The following DCDC2 variants were observed in gnomAD, a reference collection of about 807,000 sequenced individuals.
DCDC2 encodes doublecortin domain-containing protein 2.
DCDC2 carries 40 observed loss-of-function variants against 50.2 expected under a neutral mutation model. That is an observed-to-expected ratio of 0.80 (90% CI 0.62 to 1.04). The LOEUF (loss-of-function observed/expected upper bound fraction) is 1.04. Ranked by LOEUF, DCDC2 falls within the 50% of genes least tolerant of loss-of-function variation. DCDC2 has a pLI of 0.00. For missense variants in DCDC2, 570 were observed against 581.9 expected, an observed-to-expected ratio of 0.98 and a Z score of 0.21; for synonymous variants, 234 against 210.6, an observed-to-expected ratio of 1.11 and a Z score of -0.96.
At chr6:24,212,643 G>A (rs1348301500) in intron 7 of DCDC2, among the ~76,000 whole-genome samples, 1 of 152,122 alleles carries the variant, frequency 6.6e-6, no homozygotes, top group Non-Finnish European at 1.5e-5. Context: ...CAATTACTAC[G>A]TGAAGGATCA....
intron 2 of DCDC2, among the ~76,000 whole-genome samples, chr6:24,342,216 T>C (rs1443837441): frequency 2.0e-5 from 3 of 152,248 alleles, no homozygotes; most frequent in Non-Finnish European, 4.4e-5. Context: ...GGTGCTATGC[T>C]ACCTTCAGTT....
chr6:24,306,168 G>A (rs1759469100), intron 2 of DCDC2, among the ~76,000 whole-genome samples: 1 of 152,100 alleles, frequency 6.6e-6, no homozygotes, highest in Non-Finnish European at 1.5e-5. Context: ...GTGTAGCCAG[G>A]GATGGAGTTC....
intron 7 of DCDC2, among the ~76,000 whole-genome samples, chr6:24,256,892 T>A (rs1468021722): frequency 6.6e-6 from 1 of 152,206 alleles, no homozygotes; most frequent in Non-Finnish European, 1.5e-5. Flanking sequence ...CCTAAGGCTG[T>A]TATCTTGGCA....
chr6:24,306,535 TAGATAGATAGACAGACAGACAGAC>T (rs1198706305), intron 2 of DCDC2, among the ~76,000 whole-genome samples: 2 of 119,146 alleles, frequency 1.7e-5, no homozygotes, highest in African/African-American at 6.0e-5. Flanking sequence ...GATAGATAGA[TAGATAGATAGACAGACAGACAGAC>T]AGACAGACAG....
chr6:24,197,351 G>C (rs760602817), intron 8 of DCDC2, among the ~76,000 whole-genome samples: 6 of 152,212 alleles, frequency 3.9e-5, no homozygotes, highest in Admixed American at 1.3e-4. Flanking sequence ...GTGATTAACA[G>C]AGAGATTTCT....
At chr6:24,267,626 G>A (rs905728708) in intron 7 of DCDC2, among the ~76,000 whole-genome samples, 2 of 152,136 alleles carry the variant, frequency 1.3e-5, no homozygotes, top group African/African-American at 4.8e-5. Context: ...CAAGAAATAA[G>A]TATACAAAAG....
intron 7 of DCDC2, among the ~76,000 whole-genome samples, chr6:24,224,269 A>G (rs927036190): frequency 6.6e-6 from 1 of 152,110 alleles, no homozygotes; most frequent in Non-Finnish European, 1.5e-5. Context: ...CTGAGCACCA[A>G]CTCTGTACCA....
At chr6:24,200,923 T>C (rs1761572863) in intron 8 of DCDC2, among the ~76,000 whole-genome samples, 1 of 151,870 alleles carries the variant, frequency 6.6e-6, no homozygotes, top group African/African-American at 2.4e-5. Context: ...GGCCATTACA[T>C]AATTGTAAAG....
intron 6 of DCDC2, among the ~76,000 whole-genome samples, chr6:24,281,911 A>C (rs1763481841): frequency 6.6e-6 from 1 of 152,212 alleles, no homozygotes; most frequent in South Asian, 2.1e-4. Flanking sequence ...TAAATAAATT[A>C]ACTTTCTAAG....
chr6:24,375,801 A>G, the DCDC2 span, among the ~76,000 whole-genome samples: 81 of 152,252 alleles, frequency 5.3e-4, 1 homozygote, highest in African/African-American at 1.9e-3. Context: ...TGATGAATAC[A>G]TTAATAATGT....
At chr6:24,284,483 G>A (rs1209093870) in intron 6 of DCDC2, among the ~76,000 whole-genome samples, 5 of 151,746 alleles carry the variant, frequency 3.3e-5, no homozygotes, top group African/African-American at 1.2e-4. Context: ...ATGGTGGCGG[G>A]CGCCTGTAAT....
chr6:24,359,940 G>A (rs922175195), upstream of DCDC2, among the ~76,000 whole-genome samples: 4 of 152,174 alleles, frequency 2.6e-5, no homozygotes, highest in Non-Finnish European at 4.4e-5. Flanking sequence ...GGCCCAGGAG[G>A]TGCCCTCCGC....
chr6:24,333,136 T>C (rs1176032408), intron 2 of DCDC2, among the ~76,000 whole-genome samples: 2 of 152,278 alleles, frequency 1.3e-5, no homozygotes, highest in South Asian at 2.1e-4. Context: ...AGAACAGCCA[T>C]GTGCAAAGGC....
At chr6:24,235,905 G>A (rs776807697) in intron 7 of DCDC2, among the ~76,000 whole-genome samples, 35 of 151,952 alleles carry the variant, frequency 2.3e-4, no homozygotes, top group Middle Eastern at 3.4e-3. Flanking sequence ...TAACCAAGAA[G>A]GTGAAAGATT....
At chr6:24,234,477 A>G (rs1762402011) in intron 7 of DCDC2, among the ~76,000 whole-genome samples, 1 of 152,174 alleles carries the variant, frequency 6.6e-6, no homozygotes, top group Non-Finnish European at 1.5e-5. Flanking sequence ...GTGCAGAACA[A>G]AACTCAGAAG....
intron 2 of DCDC2, among the ~76,000 whole-genome samples, chr6:24,330,754 T>C (rs1319666904): frequency 5.3e-5 from 8 of 152,166 alleles, no homozygotes; most frequent in Non-Finnish European, 4.4e-5. Flanking sequence ...CCACAGGGAA[T>C]GATGTTTGAA....
the DCDC2 span, among the ~76,000 whole-genome samples, chr6:24,373,931 T>C: frequency 1.5e-4 from 22 of 150,802 alleles, no homozygotes; most frequent in South Asian, 4.6e-3. Context: ...GGGAGTCCGA[T>C]GCGGGCAGAT....
intron 8 of DCDC2, among the ~76,000 whole-genome samples, chr6:24,186,472 T>C (rs555445250): frequency 6.6e-6 from 1 of 152,312 alleles, no homozygotes; most frequent in East Asian, 1.9e-4. Context: ...CACACATACC[T>C]GCGTGCACAT....
At chr6:24,202,673 T>C (rs536169296) in intron 8 of DCDC2, among the ~76,000 whole-genome samples, 1 of 152,058 alleles carries the variant, frequency 6.6e-6, no homozygotes, top group Non-Finnish European at 1.5e-5. Context: ...CAAATAGAAA[T>C]AGGAAGAGAG....
Sources: gnomAD v4.1 joint callset for allele counts (sites outside exome capture counted in the v4.1 genomes callset) on GRCh38, gnomAD v4.1.1 for gene constraint, MANE v1.5 for transcripts, NCBI Gene and HGNC (gene_info 2026-07-23, HGNC 2026-07-21) for gene names.